STK32B: variants seen among roughly 807,000 people sequenced by gnomAD.
STK32B encodes serine/threonine kinase 32B, also known as serine/threonine-protein kinase 32B.
In STK32B, 43 loss-of-function variants were observed where a neutral mutation model predicts 52.6. The observed-to-expected ratio is 0.82, with a 90% CI of 0.64 to 1.05. The LOEUF (loss-of-function observed/expected upper bound fraction) is 1.05. Among genes scored for constraint, STK32B ranks in the 50% least tolerant of loss-of-function variants. The probability of loss-of-function intolerance (pLI) is 0.00; values close to 1 mark genes in which losing one functional copy is unlikely to be tolerated. For synonymous variants in STK32B, 238 were observed against 204.3 expected, an observed-to-expected ratio of 1.17 and a Z score of -1.41; for missense variants, 621 against 534.6, an observed-to-expected ratio of 1.16 and a Z score of -1.59.
chr4:5,133,587 C>T (rs1715900310), intron 1 of STK32B, among the ~76,000 whole-genome samples: 2 of 152,188 alleles, frequency 1.3e-5, no homozygotes, highest in South Asian at 4.1e-4. Context: ...CATCTGGTTA[C>T]CTGGATTATT....
intron 3 of STK32B, among the ~76,000 whole-genome samples, chr4:5,226,790 T>G (rs773276092): frequency 6.6e-6 from 1 of 152,114 alleles, no homozygotes; most frequent in Non-Finnish European, 1.5e-5. Flanking sequence ...TTACCAGAGG[T>G]GTGTGTGTAT....
intron 6 of STK32B, chr4:5,437,992 G>C (rs1714251935): frequency 1.0e-6 from 1 of 985,544 alleles, no homozygotes; most frequent in South Asian, 4.7e-5. Context: ...TTTGTCGCTT[G>C]TCTGATCATG....
rs150957123 is a variant in STK32B, at chr4:5,281,219, C to G, written c.261-50001C>G. On this transcript the variant is annotated intron_variant, in intron 3 of 11. Transcript: ENST00000282908. ...ATGATCTAGGCACATCCCACCAGGT[C>G]CCTCCCCCAATACTGGGAATTACAA... Among the ~76,000 whole-genome samples, 101 of 152,240 alleles carry G rather than the reference C, an allele frequency of 6.6e-4. No homozygotes were observed. In the Middle Eastern group the frequency reaches 0.024, roughly 36 times the overall value.
intron 4 of STK32B, among the ~76,000 whole-genome samples, chr4:5,361,655 A>G (rs1044169974): frequency 6.6e-6 from 1 of 152,068 alleles, no homozygotes; most frequent in Non-Finnish European, 1.5e-5. Context: ...GCCTATTTCA[A>G]TTTTTTTTGA....
intron 2 of STK32B, among the ~76,000 whole-genome samples, chr4:5,148,241 A>G (rs1577107025): frequency 6.6e-6 from 1 of 151,852 alleles, no homozygotes; most frequent in Non-Finnish European, 1.5e-5. Flanking sequence ...CTGTGGTTGT[A>G]ACTTCTCTTT....
At chr4:5,143,364 A>G (rs1340473546) in intron 2 of STK32B, among the ~76,000 whole-genome samples, 1 of 152,194 alleles carries the variant, frequency 6.6e-6, no homozygotes, top group Non-Finnish European at 1.5e-5. Flanking sequence ...ATGATTATTC[A>G]GAAATCATGT....
chr4:5,171,152 T>C (rs1719339290), intron 3 of STK32B, among the ~76,000 whole-genome samples: 2 of 151,084 alleles, frequency 1.3e-5, no homozygotes, highest in Admixed American at 1.4e-4. Flanking sequence ...TTTGATGGGG[T>C]TGTTTGTTTT....
intron 3 of STK32B, among the ~76,000 whole-genome samples, chr4:5,269,207 C>A (rs137911754): frequency 2.0e-4 from 31 of 152,150 alleles, no homozygotes; most frequent in African/African-American, 7.5e-4. Flanking sequence ...GAGGACCATC[C>A]AAAAGGATTA....
At chr4:5,036,740 T>C in the STK32B span, among the ~76,000 whole-genome samples, 5 of 140,488 alleles carry the variant, frequency 3.6e-5, no homozygotes, top group Admixed American at 1.5e-4. Context: ...TGATCTTGGC[T>C]CACTGCAACC....
intron 3 of STK32B, among the ~76,000 whole-genome samples, chr4:5,293,860 G>T (rs1436054520): frequency 6.6e-6 from 1 of 152,050 alleles, no homozygotes; most frequent in East Asian, 1.9e-4. Context: ...TGAAGTCTTT[G>T]CCCATGCCTA....
chr4:5,493,740 A>G (rs1025719370), intron 11 of STK32B, among the ~76,000 whole-genome samples: 2 of 152,072 alleles, frequency 1.3e-5, no homozygotes, highest in African/African-American at 4.8e-5. Flanking sequence ...CCCTCTACAC[A>G]CTGCTTTGAA....
intron 6 of STK32B, among the ~76,000 whole-genome samples, chr4:5,445,822 C>T (rs536534468): frequency 3.9e-5 from 6 of 152,104 alleles, no homozygotes; most frequent in Non-Finnish European, 7.4e-5. Context: ...GTGCACCCAC[C>T]CTCCCTTCCC....
At chr4:5,111,475 G>C (rs1394118047) in intron 1 of STK32B, among the ~76,000 whole-genome samples, 1 of 152,116 alleles carries the variant, frequency 6.6e-6, no homozygotes. Flanking sequence ...CACATAGATG[G>C]AGCTGGAGGC....
chr4:5,301,074 A>G (rs1225517927), intron 3 of STK32B, among the ~76,000 whole-genome samples: 2 of 152,104 alleles, frequency 1.3e-5, no homozygotes, highest in Non-Finnish European at 1.5e-5. Flanking sequence ...TATTAATATT[A>G]TATTTTAGAC....
chr4:5,103,550 A>G (rs1713936799), intron 1 of STK32B, among the ~76,000 whole-genome samples: 1 of 152,180 alleles, frequency 6.6e-6, no homozygotes, highest in Non-Finnish European at 1.5e-5. Context: ...TCCCTTATTG[A>G]TGATGGATGG....
intron 3 of STK32B, among the ~76,000 whole-genome samples, chr4:5,239,629 C>T (rs1724871560): frequency 6.6e-6 from 1 of 152,060 alleles, no homozygotes; most frequent in African/African-American, 2.4e-5. Flanking sequence ...GGCTGAGCCA[C>T]AAGTGGTGTG....
chr4:5,386,319 A>G lies in STK32B; in HGVS notation c.435-11888A>G, dbSNP rs1736254239. ...TCAGTAAGTATATGTTGAATGCTGG[A>G]AAGAGCTCCCGGCTGGTGTGAGTCC... On this transcript the variant is annotated intron_variant, in intron 4 of 11. Transcript: ENST00000282908. The surrounding 1 kb of genome is among the most constrained non-coding windows in gnomAD (Gnocchi z 4.5). Among the ~76,000 whole-genome samples, 1 of 152,084 alleles carries G rather than the reference A, an allele frequency of 6.6e-6. No individual in the cohort carries two copies. Among genetic ancestry groups the G allele is most frequent in the African/African-American group, 2.4e-5 (1 of 41,394 alleles).
Position 5,104,319 on chromosome 4 carries a change from C to T in STK32B, c.53-35586C>T, listed in dbSNP as rs142851136. Among the ~76,000 whole-genome samples, 15 of 152,294 alleles carry T rather than the reference C, an allele frequency of 9.8e-5. No homozygotes were observed. In the East Asian group the frequency reaches 2.9e-3, roughly 29 times the overall value. On this transcript the variant is annotated intron_variant, in intron 1 of 11. Coordinates refer to ENST00000282908, the MANE Select transcript of STK32B (RefSeq NM_018401.3). ...CCATGTAAGACATCCCTTTGCTCTT[C>T]CATCATCTTCCACCATGATTGTGAA...
intron 7 of STK32B, among the ~76,000 whole-genome samples, chr4:5,450,125 A>G (rs1019667890): frequency 7.2e-5 from 11 of 152,190 alleles, no homozygotes; most frequent in Non-Finnish European, 7.3e-5. Context: ...CTTGTAGGCT[A>G]GACAAGAGAC....
Sources: gnomAD v4.1 joint callset for allele counts (sites outside exome capture counted in the v4.1 genomes callset) on GRCh38, gnomAD v4.1.1 for gene constraint, Gnocchi (gnomAD v3.1) non-coding constraint, MANE v1.5 for transcripts, NCBI Gene and HGNC (gene_info 2026-07-23, HGNC 2026-07-21) for gene names.